Variants in FKBP3 observed in about 807,000 individuals in gnomAD.
FKBP3 encodes the protein peptidyl-prolyl cis-trans isomerase FKBP3.
Under a neutral mutation model 30.6 loss-of-function variants are expected in FKBP3, and 21 were observed. That is an observed-to-expected ratio of 0.69 (90% CI 0.49 to 0.99). The LOEUF (loss-of-function observed/expected upper bound fraction) is 0.99. Ranked by LOEUF, FKBP3 falls within the 50% of genes least tolerant of loss-of-function variation. The pLI, the probability that FKBP3 is intolerant of heterozygous loss-of-function variation, is 0.00. For missense variants in FKBP3, 283 were observed against 261.6 expected (o/e 1.08, Z -0.56); for synonymous variants, 82 against 91.3 (o/e 0.90, Z 0.58).
At chr14:45,131,883 C>T (rs1885224418) in intron 1 of FKBP3, among the ~76,000 whole-genome samples, 1 of 152,160 alleles carries the variant, frequency 6.6e-6, no homozygotes, top group Non-Finnish European at 1.5e-5. Flanking sequence ...AGCGGAATTG[C>T]TTTTCTTTCA....
Position 45,134,428 on chromosome 14 carries a change from CA to C in FKBP3, c.28del (p.Trp10GlyfsTer35). The C allele has an allele frequency of 6.2e-7, 1 of 1,612,532 alleles. No homozygotes were observed. The highest frequency in any genetic ancestry group is 8.5e-7 in the Non-Finnish European group (1 of 1,179,376). On this transcript the variant is annotated frameshift_variant, in exon 1 of 7. Coordinates refer to ENST00000396062, the MANE Select transcript of FKBP3 (RefSeq NM_002013.4). LOFTEE classifies it high-confidence loss of function. MAAAVPQRA[W>X]TVEQLRSEQL... ...CTCACTGCGCAGCTGCTCCACGGTC[CA>C]CGCCCGCTGTGGAACGGCCGCCGCC...
chr14:45,118,303 AAT>A (rs1884901578), intron 5 of FKBP3, among the ~76,000 whole-genome samples, 178 bp from the exon 6 acceptor site: 2 of 152,096 alleles, frequency 1.3e-5, no homozygotes, highest in South Asian at 4.1e-4. Context: ...CCATTTCTTC[AAT>A]AGAAAAAAAA....
intron 3 of FKBP3, 89 bp from the exon 4 acceptor site, chr14:45,121,709 CAGTTT>C: frequency 1.1e-5 from 16 of 1,438,190 alleles, no homozygotes; most frequent in Non-Finnish European, 1.5e-5. Context: ...TGACCAAAGT[CAGTTT>C]AAAGAGTTTG....
chr14:45,119,564 C>T (rs537093835), intron 5 of FKBP3, among the ~76,000 whole-genome samples: 44 of 150,800 alleles, frequency 2.9e-4, no homozygotes, highest in Middle Eastern at 6.8e-3. Flanking sequence ...AGCAAAACTC[C>T]GTCTCAAAAA....
At chr14:45,121,464 T>TA in intron 4 of FKBP3, 21 bp downstream of exon 4, 1 of 1,602,824 alleles carries the variant, frequency 6.2e-7, no homozygotes, top group East Asian at 2.2e-5. Flanking sequence ...GCCAAAAACA[T>TA]AAGATTCCAT....
At position 45,125,141 on chromosome 14, in the gene FKBP3, C is replaced by T. The variant is rs556297484; in HGVS notation, c.319-3521G>A. ...ATGTTGGCCAGGCTGGTCTCGAATT[C>T]CTGACCTCAGGTGATCTGCCTGCTT... is the stretch of plus-strand genomic sequence containing the variant. On this transcript the variant is annotated intron_variant, in intron 3 of 6. Transcript: ENST00000396062. Among the ~76,000 whole-genome samples, 72 of 152,298 alleles carry T rather than the reference C, an allele frequency of 4.7e-4. 1 individual carries two copies. In the South Asian group the frequency reaches 0.015, roughly 31 times the overall value.
chr14:45,117,081 C>G lies in FKBP3; in HGVS notation c.621-829G>C, dbSNP rs1884862464. 2.0e-5 allele frequency among the ~76,000 whole-genome samples: 3 copies of G among 151,792 alleles called. No homozygotes were observed. The South Asian group carries it at 6.2e-4, about 32-fold the overall frequency. ...CTGCTTCCCAGGTTCAAGTGATTCTCCTGCCACAGCCTCCAGGGTAGCTGG... is the reference window on the plus strand; with the variant it reads ...CTGCTTCCCAGGTTCAAGTGATTCTGCTGCCACAGCCTCCAGGGTAGCTGG... On this transcript the variant is annotated intron_variant, in intron 6 of 6. Coordinates refer to ENST00000396062, the MANE Select transcript of FKBP3 (RefSeq NM_002013.4).
intron 6 of FKBP3, among the ~76,000 whole-genome samples, chr14:45,117,254 T>G (rs1378975386): frequency 2.0e-5 from 3 of 152,176 alleles, no homozygotes; most frequent in African/African-American, 7.2e-5. Context: ...TTACAGGCAT[T>G]AGCCATGGTG....
At chr14:45,119,567 C>A (rs995238345) in intron 5 of FKBP3, among the ~76,000 whole-genome samples, 1 of 150,592 alleles carries the variant, frequency 6.6e-6, no homozygotes, top group South Asian at 2.1e-4. Flanking sequence ...AAAACTCCGT[C>A]TCAAAAAAAA....
At chr14:45,117,901 C>T (rs1478141135) in intron 6 of FKBP3, 127 bp downstream of exon 6, 2 of 683,488 alleles carry the variant, frequency 2.9e-6, no homozygotes, top group African/African-American at 1.9e-5. Context: ...ATCTAAAGAT[C>T]AGGAAGACTA....
rs1019349470 is a variant in FKBP3, at chr14:45,116,046, T to A, written c.*152A>T. 2 of 578,376 alleles carry A rather than the reference T, an allele frequency of 3.5e-6. No homozygotes were observed. Among genetic ancestry groups the A allele is most frequent in the African/African-American group, 3.7e-5 (2 of 53,928 alleles). The allele number at this position is 578,376 out of a possible 1,614,324, so 35.8% of individuals were successfully genotyped here. A position where few individuals can be genotyped will look rare whatever the true frequency, so the allele number is the denominator to read the frequency against. ...CATAAGGGATTTATCTCTCAAAAGCTGGGACCAAGTAAACAAATTTTATTA... is the reference window on the plus strand; with the variant it reads ...CATAAGGGATTTATCTCTCAAAAGCAGGGACCAAGTAAACAAATTTTATTA... On this transcript the variant is annotated 3_prime_UTR_variant, in exon 7 of 7. Coordinates refer to ENST00000396062, the MANE Select transcript of FKBP3 (RefSeq NM_002013.4).
At chr14:45,126,494 CAA>C (rs1885101171) in intron 3 of FKBP3, among the ~76,000 whole-genome samples, 1 of 150,056 alleles carries the variant, frequency 6.7e-6, no homozygotes, top group African/African-American at 2.4e-5. Context: ...TCTCAAAAAA[CAA>C]AGAAAAAAAA....
At chr14:45,131,796 A>G (rs1015453269) in intron 1 of FKBP3, among the ~76,000 whole-genome samples, 3 of 152,234 alleles carry the variant, frequency 2.0e-5, no homozygotes, top group Non-Finnish European at 4.4e-5. Context: ...TGCATTTAGC[A>G]TAGAGCCTGT....
At chr14:45,117,657 A>G (rs1566702482) in intron 6 of FKBP3, among the ~76,000 whole-genome samples, 1 of 152,144 alleles carries the variant, frequency 6.6e-6, no homozygotes, top group Non-Finnish European at 1.5e-5. Context: ...ATTATACTGT[A>G]CCATAAAATT....
At chr14:45,132,396 GATTATT>G (rs945884677) in intron 1 of FKBP3, among the ~76,000 whole-genome samples, 11 of 152,008 alleles carry the variant, frequency 7.2e-5, no homozygotes, top group African/African-American at 2.7e-4. Flanking sequence ...GATCACCGGA[GATTATT>G]ATTATTAATT....
At chr14:45,127,005 G>A (rs961632398) in intron 3 of FKBP3, among the ~76,000 whole-genome samples, 4 of 151,746 alleles carry the variant, frequency 2.6e-5, no homozygotes, top group East Asian at 2.0e-4. Context: ...TAGTAGAGAC[G>A]GGGTTTCACC....
At chr14:45,134,107 T>C (rs1204776764) in intron 1 of FKBP3, among the ~76,000 whole-genome samples, 1 of 152,186 alleles carries the variant, frequency 6.6e-6, no homozygotes, top group Non-Finnish European at 1.5e-5. Flanking sequence ...AATGAGGTTC[T>C]AACTCTACAA....
chr14:45,132,460 C>T (rs2139089835), intron 1 of FKBP3, among the ~76,000 whole-genome samples: 1 of 152,064 alleles, frequency 6.6e-6, no homozygotes, highest in African/African-American at 2.4e-5. Flanking sequence ...TGCAGTGGCC[C>T]AATCTCGGCC....
chr14:45,125,982 T>G (rs1885087530), intron 3 of FKBP3, among the ~76,000 whole-genome samples: 1 of 151,926 alleles, frequency 6.6e-6, no homozygotes, highest in African/African-American at 2.4e-5. Flanking sequence ...CACTACAATC[T>G]CTGGCTCCCA....
Sources: allele counts gnomAD v4.1 joint callset (sites outside exome capture counted in the v4.1 genomes callset), GRCh38; gene constraint gnomAD v4.1.1; transcripts MANE v1.5; gene names NCBI Gene and HGNC (gene_info 2026-07-23, HGNC 2026-07-21).